The following MGAT4C variants were observed in gnomAD, a reference collection of about 807,000 sequenced individuals.
MGAT4C encodes alpha-1,3-mannosyl-glycoprotein 4-beta-N-acetylglucosaminyltransferase C.
A neutral mutation model predicts 40.1 loss-of-function variants in MGAT4C; 19 were observed. The observed-to-expected ratio is 0.47, with a 90% CI of 0.33 to 0.70. MGAT4C has a LOEUF of 0.70. Among genes scored for constraint, MGAT4C ranks in the 30% least tolerant of loss-of-function variants. MGAT4C has a pLI of 0.02. For synonymous variants in MGAT4C, 181 were observed against 187.1 expected (o/e 0.97, Z 0.27); for missense variants, 491 against 563.2 (o/e 0.87, Z 1.30).
intron 1 of MGAT4C, among the ~76,000 whole-genome samples, chr12:86,771,812 A>G (rs1177739365): frequency 6.6e-6 from 1 of 152,086 alleles, no homozygotes; most frequent in Non-Finnish European, 1.5e-5. Context: ...AAACTGGAGG[A>G]AAAACGACCT....
At chr12:86,273,128 A>G (rs1375044489) in intron 4 of MGAT4C, among the ~76,000 whole-genome samples, 1 of 152,170 alleles carries the variant, frequency 6.6e-6, no homozygotes, top group Non-Finnish European at 1.5e-5. Flanking sequence ...TTTGAAAAAC[A>G]AGAGTTGACA....
intron 3 of MGAT4C, among the ~76,000 whole-genome samples, chr12:86,340,903 G>A (rs1309031952): frequency 6.6e-6 from 1 of 152,010 alleles, no homozygotes; most frequent in African/African-American, 2.4e-5. Context: ...AGTTTAACCT[G>A]GTTGATTTTA....
intron 1 of MGAT4C, among the ~76,000 whole-genome samples, chr12:86,207,458 C>T (rs969178204): frequency 3.3e-5 from 5 of 151,932 alleles, no homozygotes; most frequent in African/African-American, 1.2e-4. Context: ...GACCCCCCGA[C>T]AGGCCTTGTG....
intron 3 of MGAT4C, among the ~76,000 whole-genome samples, chr12:86,357,930 C>T (rs1955355298): frequency 6.6e-6 from 1 of 152,038 alleles, no homozygotes; most frequent in Non-Finnish European, 1.5e-5. Context: ...GGAGAACTTC[C>T]CCAACCTAGC....
intron 1 of MGAT4C, among the ~76,000 whole-genome samples, chr12:86,189,372 T>C (rs967665597): frequency 2.6e-5 from 4 of 152,048 alleles, no homozygotes; most frequent in Non-Finnish European, 5.9e-5. Context: ...GTCTAACCTA[T>C]AGCCCTTCAT....
At chr12:86,010,171 C>G (rs534867495) in intron 2 of MGAT4C, among the ~76,000 whole-genome samples, 1 of 152,290 alleles carries the variant, frequency 6.6e-6, no homozygotes, top group South Asian at 2.1e-4. Context: ...GTTTGTATAT[C>G]TACACCATAT....
chr12:86,419,108 G>A (rs1245814541), intron 3 of MGAT4C, among the ~76,000 whole-genome samples: 1 of 151,486 alleles, frequency 6.6e-6, no homozygotes, highest in African/African-American at 2.4e-5. Flanking sequence ...CATTCATGAG[G>A]GAAAAAATAT....
At chr12:86,702,154 C>A (rs146799586) in intron 2 of MGAT4C, among the ~76,000 whole-genome samples, 1 of 151,864 alleles carries the variant, frequency 6.6e-6, no homozygotes, top group African/African-American at 2.4e-5. Context: ...CTCAGTCACT[C>A]AAGTAGCTAG....
In MGAT4C at chr12:86,250,306, C is replaced by T. The variant is rs560529317; in HGVS notation, c.-57+5933G>A. 2.1e-5 allele frequency among the ~76,000 whole-genome samples: 3 copies of T among 145,840 alleles called. No individual in the cohort carries two copies. In the East Asian group the frequency reaches 6.1e-4, roughly 29 times the overall value. On this transcript the variant is annotated intron_variant, in intron 1 of 4. Coordinates refer to ENST00000611864, the MANE Select transcript of MGAT4C (RefSeq NM_001351288.2). ...AGATGCTTCATTAAAACAAAACAAA[C>T]AAGCAACCTACACACACACACACTG...
chr12:86,358,144 T>C (rs960712882), intron 3 of MGAT4C, among the ~76,000 whole-genome samples: 1 of 152,106 alleles, frequency 6.6e-6, no homozygotes, highest in Non-Finnish European at 1.5e-5. Context: ...GCAGAAACTC[T>C]CCAAGCCAGA....
At position 85,965,828 on chromosome 12, in the gene MGAT4C, T is replaced by C. The variant is rs985841061; in HGVS notation, c.*13461A>G. ...GAGTCATGTACAGAACTCAAATTATTACATCATTTTTTTACTTATCTGTAT... is the reference window on the plus strand; with the variant it reads ...GAGTCATGTACAGAACTCAAATTATCACATCATTTTTTTACTTATCTGTAT... On this transcript the variant is annotated 3_prime_UTR_variant, in exon 5 of 5. Coordinates refer to ENST00000611864, the MANE Select transcript of MGAT4C (RefSeq NM_001351288.2). 6.6e-6 allele frequency: 1 copy of C among 152,090 alleles called. No individual in the cohort carries two copies. The highest frequency in any genetic ancestry group is 2.4e-5 in the African/African-American group (1 of 41,410). 9.4% of individuals were successfully genotyped at this position (152,090 alleles called of 1,614,324 possible).
chr12:86,389,422 A>T (rs1273289483), intron 3 of MGAT4C, among the ~76,000 whole-genome samples: 1 of 151,996 alleles, frequency 6.6e-6, no homozygotes, highest in African/African-American at 2.4e-5. Context: ...TATGTACCAC[A>T]TTTTCTTTAT....
chr12:85,979,425 T>A lies in MGAT4C; in HGVS notation c.1301A>T (p.Glu434Val). The part of the protein sequence containing the change: ...RQCSTYLRLG[E>V]FKNGNFEMSG... ...CATTTCAAAGTTTCCATTTTTGAAT[T>A]CTCCTAGTCTTAAGTAAGTAGAACA... Residue 434 changes from glutamate to valine, a missense_variant, in exon 5 of 5, where the codon GAA becomes GTA. Physicochemically the swap from Glu to Val is moderately radical, Grantham distance 121 (BLOSUM62 -2). Coordinates refer to ENST00000611864, the MANE Select transcript of MGAT4C (RefSeq NM_001351288.2). 6.2e-7 allele frequency: 1 copy of A among 1,613,420 alleles called. No individual in the cohort carries two copies. The highest frequency in any genetic ancestry group is 8.5e-7 in the Non-Finnish European group (1 of 1,179,590).
chr12:86,563,546 C>A (rs1220996941), intron 2 of MGAT4C, among the ~76,000 whole-genome samples: 3 of 152,132 alleles, frequency 2.0e-5, no homozygotes, highest in Non-Finnish European at 4.4e-5. Flanking sequence ...GGCCCAGAAC[C>A]TTAAATAAAG....
intron 2 of MGAT4C, among the ~76,000 whole-genome samples, chr12:86,553,107 C>T (rs1025765884): frequency 2.6e-5 from 4 of 152,046 alleles, no homozygotes; most frequent in Admixed American, 6.5e-5. Flanking sequence ...GCTTGTGTAC[C>T]GGCACATAAT....
chr12:86,617,682 C>T (rs559513305), intron 2 of MGAT4C, among the ~76,000 whole-genome samples: 2 of 149,722 alleles, frequency 1.3e-5, no homozygotes, highest in Admixed American at 1.3e-4. Context: ...AGCTAGACTC[C>T]GTCTCACAAA....
intron 2 of MGAT4C, among the ~76,000 whole-genome samples, chr12:86,564,948 G>T (rs1159733596): frequency 2.0e-5 from 3 of 152,148 alleles, no homozygotes; most frequent in Non-Finnish European, 4.4e-5. Context: ...GATGCTGTTT[G>T]TAGCCTTTGG....
chr12:86,151,093 A>G (rs970434078), intron 1 of MGAT4C, among the ~76,000 whole-genome samples: 8 of 152,206 alleles, frequency 5.3e-5, no homozygotes, highest in Non-Finnish European at 1.2e-4. Flanking sequence ...AGACTGGTAA[A>G]GCATGTCCCA....
chr12:86,803,216 A>C (rs1952268354), intron 1 of MGAT4C, among the ~76,000 whole-genome samples: 1 of 150,734 alleles, frequency 6.6e-6, no homozygotes, highest in Non-Finnish European at 1.5e-5. Context: ...AGCCATATGT[A>C]GAAAGCTGAA....
Sources: gnomAD v4.1 joint callset for allele counts (sites outside exome capture counted in the v4.1 genomes callset) on GRCh38, gnomAD v4.1.1 for gene constraint, MANE v1.5 for transcripts, NCBI Gene and HGNC (gene_info 2026-07-23, HGNC 2026-07-21) for gene names.